The following IFT81 variants were observed in gnomAD, a reference collection of about 807,000 sequenced individuals.
The protein encoded by IFT81 is intraflagellar transport protein 81 homolog.
A neutral mutation model predicts 102.6 loss-of-function variants in IFT81; 72 were observed. That is an observed-to-expected ratio of 0.70 (90% CI 0.58 to 0.85). The LOEUF (loss-of-function observed/expected upper bound fraction) is 0.85, where lower values mean the gene tolerates loss of function less well. IFT81 is among the 40% of genes least tolerant of loss of function. IFT81 has a pLI of 0.00. For missense variants in IFT81, 723 were observed against 787.3 expected, an observed-to-expected ratio of 0.92 and a Z score of 0.98; for synonymous variants, 237 against 242.7, an observed-to-expected ratio of 0.98 and a Z score of 0.22.
chr12:110,196,553 T>C (rs976068273), intron 14 of IFT81, among the ~76,000 whole-genome samples: 5 of 151,950 alleles, frequency 3.3e-5, no homozygotes, highest in Non-Finnish European at 7.4e-5. Context: ...TCTTCCTGGT[T>C]AAAAAACAAA....
chr12:110,193,734 A>C (rs1449035838), intron 14 of IFT81, among the ~76,000 whole-genome samples: 2 of 152,188 alleles, frequency 1.3e-5, no homozygotes, highest in Admixed American at 1.3e-4. Flanking sequence ...CTATTAGGAA[A>C]TTTTACAGGG....
At chr12:110,163,286 G>C (rs1312348297) in intron 11 of IFT81, among the ~76,000 whole-genome samples, 1 of 151,710 alleles carries the variant, frequency 6.6e-6, no homozygotes, top group African/African-American at 2.4e-5. Flanking sequence ...TGTCACCCAG[G>C]CTGGGGTGCA....
chr12:110,202,784 G>A (rs1472743124), intron 14 of IFT81, among the ~76,000 whole-genome samples: 1 of 152,068 alleles, frequency 6.6e-6, no homozygotes, highest in Non-Finnish European at 1.5e-5. Context: ...ATAATCTTTG[G>A]CAAGGTACTT....
chr12:110,176,241 C>T (rs1338539357), intron 11 of IFT81, among the ~76,000 whole-genome samples: 3 of 152,182 alleles, frequency 2.0e-5, no homozygotes, highest in Non-Finnish European at 4.4e-5. Flanking sequence ...TCTGATACAA[C>T]TTCCCAAGCC....
chr12:110,205,522 A>G lies in IFT81; in HGVS notation c.1716+8A>G, dbSNP rs578093298. ...ACAAATTGTATGATTAAGGTAAGAC[A>G]AAGTAGATCAAAAACATTTCTGAGT... On this transcript the variant is annotated splice_region_variant and intron_variant, in intron 16 of 18. Transcript: ENST00000242591. 1.4e-4 allele frequency: 228 copies of G among 1,590,594 alleles called. No individual in the cohort carries two copies. The highest frequency in any genetic ancestry group is 1.1e-3 in the South Asian group (92 of 85,856).
intron 8 of IFT81, among the ~76,000 whole-genome samples, chr12:110,141,001 A>G (rs912887001): frequency 1.3e-5 from 2 of 149,250 alleles, no homozygotes; most frequent in African/African-American, 5.0e-5. Flanking sequence ...TGCTGGGATT[A>G]CAGGCATGAG....
intron 15 of IFT81, chr12:110,204,841 G>A (rs1868414344): frequency 6.6e-6 from 1 of 152,430 alleles, no homozygotes; most frequent in Admixed American, 6.5e-5. Flanking sequence ...CCTTGTTTAT[G>A]TTGGTTTCTT....
chr12:110,154,966 T>C (rs1895757134), intron 10 of IFT81, among the ~76,000 whole-genome samples: 1 of 150,164 alleles, frequency 6.7e-6, no homozygotes, highest in African/African-American at 2.4e-5. Context: ...TTATTGAGAC[T>C]GAATGTTGAA....
intron 18 of IFT81, among the ~76,000 whole-genome samples, chr12:110,212,656 G>A (rs1386796356): frequency 6.6e-6 from 1 of 151,826 alleles, no homozygotes; most frequent in Non-Finnish European, 1.5e-5. Context: ...GGCCAACATA[G>A]TGAAACCCCT....
In IFT81 at chr12:110,218,728, CT is replaced by C. The variant is rs1020325750; in HGVS notation, c.*506del. 2 of 152,224 alleles carry C rather than the reference CT, an allele frequency of 1.3e-5. No individual in the cohort carries two copies. The highest frequency in any genetic ancestry group is 4.8e-5 in the African/African-American group (2 of 41,526). The allele number at this position is 152,224 out of a possible 1,614,324, so 9.4% of individuals were successfully genotyped here. A position where few individuals can be genotyped will look rare whatever the true frequency, so the allele number is the denominator to read the frequency against. On this transcript the variant is annotated 3_prime_UTR_variant, in exon 19 of 19. Coordinates refer to ENST00000242591, the MANE Select transcript of IFT81 (RefSeq NM_014055.4). ...AAATTTAATATTTTGACTAACATGTCTTTTCTGTTTGTATCATTTAAAGGCA... is the reference window on the plus strand; with the variant it reads ...AAATTTAATATTTTGACTAACATGTCTTTCTGTTTGTATCATTTAAAGGCA...
chr12:110,200,404 T>G (rs1898206725), intron 14 of IFT81, among the ~76,000 whole-genome samples: 1 of 152,212 alleles, frequency 6.6e-6, no homozygotes, highest in Non-Finnish European at 1.5e-5. Flanking sequence ...TACACCCATC[T>G]AAACATAGAA....
chr12:110,146,924 T>C, intron 9 of IFT81, 29 bp from the exon 10 acceptor site: 1 of 659,574 alleles, frequency 1.5e-6, no homozygotes, highest in South Asian at 3.6e-5. Flanking sequence ...AAGTTTTAAC[T>C]TTTTTTTTTT....
At chr12:110,159,153 A>AC (rs1487965089) in intron 10 of IFT81, among the ~76,000 whole-genome samples, 1 of 152,084 alleles carries the variant, frequency 6.6e-6, no homozygotes, top group Non-Finnish European at 1.5e-5. Flanking sequence ...TGTAGACTGC[A>AC]CCAAAGGATA....
intron 10 of IFT81, among the ~76,000 whole-genome samples, chr12:110,149,358 G>C (rs1203920812): frequency 1.3e-5 from 2 of 152,190 alleles, no homozygotes; most frequent in African/African-American, 4.8e-5. Context: ...AGGTTGTGGG[G>C]CTCTGTCCCC....
intron 11 of IFT81, among the ~76,000 whole-genome samples, chr12:110,179,761 T>TACAC (rs1897224546): frequency 1.5e-5 from 1 of 67,942 alleles, no homozygotes; most frequent in African/African-American, 7.2e-5. Flanking sequence ...TATATATATA[T>TACAC]ATATATATAT....
At chr12:110,211,444 G>A (rs1869429358) in intron 18 of IFT81, among the ~76,000 whole-genome samples, 1 of 152,072 alleles carries the variant, frequency 6.6e-6, no homozygotes, top group African/African-American at 2.4e-5. Context: ...GCCCACCTCA[G>A]CCTCCCAAAG....
intron 18 of IFT81, chr12:110,216,754 G>A (rs1365528447): frequency 2.6e-6 from 1 of 379,944 alleles, no homozygotes; most frequent in Non-Finnish European, 5.2e-6. Context: ...TCGAACTCCT[G>A]ACTTCAGGTG....
At chr12:110,207,410 T>G (rs983128314) in intron 17 of IFT81, among the ~76,000 whole-genome samples, 3 of 152,066 alleles carry the variant, frequency 2.0e-5, no homozygotes, top group African/African-American at 7.2e-5. Context: ...TTACTTAGAC[T>G]GCTGTATTTT....
chr12:110,165,050 A>G (rs1201360888), intron 11 of IFT81, among the ~76,000 whole-genome samples: 3 of 152,090 alleles, frequency 2.0e-5, no homozygotes, highest in African/African-American at 7.2e-5. Flanking sequence ...TTTATTTTTG[A>G]GAAATCATGG....
Sources: gnomAD v4.1 joint callset for allele counts (sites outside exome capture counted in the v4.1 genomes callset) on GRCh38, gnomAD v4.1.1 for gene constraint, MANE v1.5 for transcripts, NCBI Gene and HGNC (gene_info 2026-07-23, HGNC 2026-07-21) for gene names.